The following CACNG2 variants were observed in gnomAD, a reference collection of about 807,000 sequenced individuals.
CACNG2 encodes the protein calcium voltage-gated channel auxiliary subunit gamma 2.
CACNG2 carries 3 observed loss-of-function variants against 25.9 expected under a neutral mutation model. The observed-to-expected ratio is 0.12, with a 90% confidence interval of 0.05 to 0.30. The LOEUF is 0.30. Among genes scored for constraint, CACNG2 ranks in the 10% least tolerant of loss-of-function variants. CACNG2 has a pLI of 1.00. For missense variants in CACNG2, 341 were observed against 432.5 expected (o/e 0.79, Z 1.88); for synonymous variants, 167 against 173.3 (o/e 0.96, Z 0.29).
intron 1 of CACNG2, among the ~76,000 whole-genome samples, chr22:36,640,130 C>G (rs1239186995): frequency 6.6e-6 from 1 of 152,102 alleles, no homozygotes; most frequent in Non-Finnish European, 1.5e-5. Flanking sequence ...ATATCCCAGC[C>G]CTATCATCCC....
intron 1 of CACNG2, among the ~76,000 whole-genome samples, chr22:36,698,196 TTC>T (rs921824642): frequency 6.6e-6 from 1 of 152,004 alleles, no homozygotes; most frequent in Admixed American, 6.6e-5. Context: ...TCCTCCCTCT[TTC>T]TCTCTCTCTC....
chr22:36,652,035 T>A (rs1411733099), intron 1 of CACNG2, among the ~76,000 whole-genome samples: 1 of 152,070 alleles, frequency 6.6e-6, no homozygotes, highest in African/African-American at 2.4e-5. Context: ...GGCTAATATT[T>A]TTGTATTTTT....
At chr22:36,617,093 C>A (rs1407144368) in intron 1 of CACNG2, among the ~76,000 whole-genome samples, 1 of 152,186 alleles carries the variant, frequency 6.6e-6, no homozygotes, top group Non-Finnish European at 1.5e-5. Context: ...TCTCCCAAGG[C>A]ATCCATGTTG....
intron 1 of CACNG2, among the ~76,000 whole-genome samples, chr22:36,596,106 A>G (rs1307436749): frequency 6.6e-6 from 1 of 152,236 alleles, no homozygotes; most frequent in African/African-American, 2.4e-5. Flanking sequence ...AGAAGCTGAA[A>G]GAGCAGCTCT....
rs944342384 is a variant in CACNG2, at chr22:36,564,840, G to A, written c.483C>T (p.Ala161=). ...TGGAGTCGCTCTTGGAGGGGTCTCC[G>A]GCATTGGCAGATATGTACACTATGA... is the stretch of plus-strand genomic sequence containing the variant. ...IGIIVYISAN[A]GDPSKSDSKK... The change falls in exon 4 of 4, where the codon GCC becomes GCT. Residue 161 remains alanine, a synonymous_variant. Transcript: ENST00000300105. This position sits in a 1 kb window ranked among gnomAD's most constrained non-coding sequence, Gnocchi z 6.7. The A allele has an allele frequency of 4.3e-6, 7 of 1,613,974 alleles. No individual in the cohort carries two copies. The highest frequency in any genetic ancestry group is 1.1e-5 in the South Asian group (1 of 91,088).
chr22:36,619,897 T>G (rs1304311537), intron 1 of CACNG2, among the ~76,000 whole-genome samples: 3 of 152,252 alleles, frequency 2.0e-5, no homozygotes, highest in Non-Finnish European at 4.4e-5. Flanking sequence ...CTGGACATGT[T>G]TATCAATCTG....
chr22:36,639,135 C>T (rs758884022), intron 1 of CACNG2, among the ~76,000 whole-genome samples: 1 of 152,142 alleles, frequency 6.6e-6, no homozygotes, highest in Non-Finnish European at 1.5e-5. Context: ...TGTGTGACCT[C>T]GGGAAAGTCA....
intron 1 of CACNG2, among the ~76,000 whole-genome samples, chr22:36,621,296 T>G (rs985660914): frequency 6.6e-6 from 1 of 152,048 alleles, no homozygotes; most frequent in Non-Finnish European, 1.5e-5. Flanking sequence ...TCACCTGAGG[T>G]CAGGAGTTCA....
At chr22:36,667,187 C>T (rs965193963) in intron 1 of CACNG2, among the ~76,000 whole-genome samples, 2 of 152,094 alleles carry the variant, frequency 1.3e-5, no homozygotes, top group Non-Finnish European at 2.9e-5. Context: ...GCCAGGCTGG[C>T]CTCAAACTTC....
chr22:36,698,814 T>C (rs1315258582), intron 1 of CACNG2, among the ~76,000 whole-genome samples: 1 of 152,210 alleles, frequency 6.6e-6, no homozygotes, highest in Middle Eastern at 3.4e-3. Flanking sequence ...ACAGGCCACA[T>C]TATGCCCACT....
chr22:36,685,217 T>A (rs1937180003), intron 1 of CACNG2, among the ~76,000 whole-genome samples: 1 of 152,182 alleles, frequency 6.6e-6, no homozygotes, highest in South Asian at 2.1e-4. Flanking sequence ...TCTCTCTGCA[T>A]CCTGCTGCTG....
At chr22:36,603,504 G>T (rs1935784576) in intron 1 of CACNG2, among the ~76,000 whole-genome samples, 1 of 152,208 alleles carries the variant, frequency 6.6e-6, no homozygotes, top group African/African-American at 2.4e-5. Flanking sequence ...GGAAGAAGAT[G>T]CCATCTAGGA....
intron 1 of CACNG2, among the ~76,000 whole-genome samples, chr22:36,663,595 G>C (rs1035407192): frequency 4.6e-5 from 7 of 152,314 alleles, no homozygotes; most frequent in African/African-American, 1.7e-4. Context: ...ACAGGAACTA[G>C]AGGGACCTTT....
At chr22:36,565,187 C>A (rs959970166) in intron 3 of CACNG2, among the ~76,000 whole-genome samples, 3 of 152,228 alleles carry the variant, frequency 2.0e-5, no homozygotes, top group Non-Finnish European at 4.4e-5. Flanking sequence ...GTTCATTGAG[C>A]CTTCTCTACC....
intron 1 of CACNG2, among the ~76,000 whole-genome samples, chr22:36,674,118 C>A (rs902766857): frequency 2.0e-5 from 3 of 152,184 alleles, no homozygotes; most frequent in African/African-American, 4.8e-5. Context: ...GGGCCCCCAC[C>A]CTGCTGAAGG....
chr22:36,682,463 A>G (rs956176437), intron 1 of CACNG2, among the ~76,000 whole-genome samples: 3 of 150,736 alleles, frequency 2.0e-5, no homozygotes, highest in Non-Finnish European at 1.5e-5. Context: ...CTTTTCAAAC[A>G]TTTCCTTTTT....
chr22:36,624,475 G>T (rs926492832), intron 1 of CACNG2, among the ~76,000 whole-genome samples: 2 of 152,160 alleles, frequency 1.3e-5, no homozygotes, highest in Non-Finnish European at 2.9e-5. Flanking sequence ...TCAGAGCCTG[G>T]ACTTGAACCC....
chr22:36,651,094 A>G (rs1031241201), intron 1 of CACNG2, among the ~76,000 whole-genome samples: 1 of 152,122 alleles, frequency 6.6e-6, no homozygotes, highest in African/African-American at 2.4e-5. Flanking sequence ...GTCTCTACGT[A>G]GCATGTGAGG....
At chr22:36,589,639 A>G (rs1409879951) in intron 1 of CACNG2, among the ~76,000 whole-genome samples, 2 of 152,130 alleles carry the variant, frequency 1.3e-5, no homozygotes, top group African/African-American at 2.4e-5. Flanking sequence ...TGGTCGCTTC[A>G]CTGAAGCTTG....
Sources: gnomAD v4.1 joint callset for allele counts (sites outside exome capture counted in the v4.1 genomes callset) on GRCh38, gnomAD v4.1.1 for gene constraint, Gnocchi (gnomAD v3.1) non-coding constraint, MANE v1.5 for transcripts, NCBI Gene and HGNC (gene_info 2026-07-23, HGNC 2026-07-21) for gene names.